Variants in ARFGEF3 observed in about 807,000 individuals in gnomAD.
ARFGEF3 encodes brefeldin A-inhibited guanine nucleotide-exchange protein 3.
In ARFGEF3, 96 loss-of-function variants were observed where a neutral mutation model predicts 221.7. That is an observed-to-expected ratio of 0.43 (90% CI 0.37 to 0.51). ARFGEF3 has a LOEUF of 0.51. ARFGEF3 is among the 20% of genes least tolerant of loss of function. The probability of loss-of-function intolerance (pLI) is 0.00; values close to 1 mark genes in which losing one functional copy is unlikely to be tolerated. For synonymous variants in ARFGEF3, 1,145 were observed against 1,126.8 expected (o/e 1.02, Z -0.32); for missense variants, 2,410 against 2,789.9 (o/e 0.86, Z 3.07).
intron 2 of ARFGEF3, among the ~76,000 whole-genome samples, chr6:138,172,037 A>G (rs928275472): frequency 6.6e-6 from 1 of 152,182 alleles, no homozygotes; most frequent in African/African-American, 2.4e-5. Context: ...AACAAAATTT[A>G]TGTTTCTATC....
intron 10 of ARFGEF3, 73 bp downstream of exon 10, chr6:138,255,842 C>T (rs1778668258): frequency 7.1e-6 from 9 of 1,271,806 alleles, no homozygotes; most frequent in Non-Finnish European, 9.5e-6. Flanking sequence ...AAGAAGCGCT[C>T]AGAAAAGGCT....
intron 24 of ARFGEF3, among the ~76,000 whole-genome samples, chr6:138,310,180 C>T (rs1779800401): frequency 6.6e-6 from 1 of 152,194 alleles, no homozygotes; most frequent in South Asian, 2.1e-4. Context: ...TTCACATAGA[C>T]TTGGATGCGT....
At chr6:138,280,955 C>T (rs1250464000) in intron 14 of ARFGEF3, among the ~76,000 whole-genome samples, 2 of 150,824 alleles carry the variant, frequency 1.3e-5, no homozygotes, top group African/African-American at 2.4e-5. Flanking sequence ...TACCAGCATC[C>T]TTGTCTTCAG....
At chr6:138,186,466 A>G (rs1335264351) in intron 2 of ARFGEF3, among the ~76,000 whole-genome samples, 1 of 152,226 alleles carries the variant, frequency 6.6e-6, no homozygotes, top group African/African-American at 2.4e-5. Context: ...GAAGTCAAAG[A>G]CAAAAGGCAG....
chr6:138,298,146 A>G (rs1338815328), intron 21 of ARFGEF3, among the ~76,000 whole-genome samples: 1 of 152,202 alleles, frequency 6.6e-6, no homozygotes, highest in African/African-American at 2.4e-5. Flanking sequence ...GGATTACTCA[A>G]GAGCATGGAT....
chr6:138,209,669 C>T (rs1777684693), intron 3 of ARFGEF3, among the ~76,000 whole-genome samples: 1 of 152,118 alleles, frequency 6.6e-6, no homozygotes, highest in Non-Finnish European at 1.5e-5. Context: ...AGGCTGATCT[C>T]CAACCCCTGA....
At chr6:138,238,415 A>G in intron 5 of ARFGEF3, 94 bp from the exon 6 acceptor site, 3 of 1,314,764 alleles carry the variant, frequency 2.3e-6, no homozygotes, top group Non-Finnish European at 3.1e-6. Context: ...TCTGTTTAAG[A>G]GGGATTTGAT....
chr6:138,320,502 T>G (rs562810186), intron 28 of ARFGEF3, among the ~76,000 whole-genome samples: 1 of 152,274 alleles, frequency 6.6e-6, no homozygotes, highest in African/African-American at 2.4e-5. Context: ...GATGTGGGTG[T>G]CCGGGAGCAG....
At chr6:138,282,237 G>A (rs1301970601) in intron 14 of ARFGEF3, among the ~76,000 whole-genome samples, 1 of 152,154 alleles carries the variant, frequency 6.6e-6, no homozygotes, top group African/African-American at 2.4e-5. Flanking sequence ...TTACAGGCGT[G>A]AGCCGCCGCA....
rs182344859 is a variant in ARFGEF3, at chr6:138,208,384, A to G, written c.219+1261A>G. ...TGAGTATACCACATGATTCTGAAAA[A>G]AAAAATCCTTTTGAAAGAATATAGG... On this transcript the variant is annotated intron_variant, in intron 3 of 33. Coordinates refer to ENST00000251691, the MANE Select transcript of ARFGEF3 (RefSeq NM_020340.5). Among the ~76,000 whole-genome samples, 826 of 152,256 alleles carry G rather than the reference A, an allele frequency of 5.4e-3. 3 individuals carry two copies. The highest frequency in any genetic ancestry group is 0.011 in the South Asian group (51 of 4,822).
chr6:138,187,355 G>T (rs1016046737), intron 2 of ARFGEF3, among the ~76,000 whole-genome samples: 1 of 152,188 alleles, frequency 6.6e-6, no homozygotes, highest in Non-Finnish European at 1.5e-5. Context: ...GAGGGAGTTG[G>T]ACCAGAGTCC....
chr6:138,318,501 T>C (rs970157395), intron 27 of ARFGEF3, among the ~76,000 whole-genome samples: 4 of 152,236 alleles, frequency 2.6e-5, no homozygotes, highest in African/African-American at 9.6e-5. Flanking sequence ...TTAAAATTAA[T>C]ATTTGTGAAT....
intron 2 of ARFGEF3, among the ~76,000 whole-genome samples, chr6:138,182,607 C>G (rs1480335559): frequency 6.6e-6 from 1 of 152,136 alleles, no homozygotes; most frequent in Non-Finnish European, 1.5e-5. Flanking sequence ...TTGACTTTAC[C>G]TCTCTCTAAG....
chr6:138,325,542 A>G (rs1780111758), intron 31 of ARFGEF3, among the ~76,000 whole-genome samples: 1 of 152,254 alleles, frequency 6.6e-6, no homozygotes, highest in Non-Finnish European at 1.5e-5. Context: ...TAAGGCCGCA[A>G]TGAAGAGCCA....
At chr6:138,318,219 G>T (rs904567648) in intron 27 of ARFGEF3, among the ~76,000 whole-genome samples, 2 of 152,022 alleles carry the variant, frequency 1.3e-5, no homozygotes, top group African/African-American at 4.8e-5. Flanking sequence ...AGAATAAGTA[G>T]GTATTTTATA....
rs1464529609 is a variant in ARFGEF3, at chr6:138,338,132, T to C, written c.*1646T>C. The stretch of plus-strand genomic sequence containing the variant: ...TTTTTCCCAGTTCCACAAAACACTC[T>C]GTTTGCCTTCAGTTTTTACTCACTA... On this transcript the variant is annotated 3_prime_UTR_variant, in exon 34 of 34. Coordinates refer to ENST00000251691, the MANE Select transcript of ARFGEF3 (RefSeq NM_020340.5). The C allele has an allele frequency of 1.3e-5, 2 of 152,250 alleles. No homozygotes were observed. The highest frequency in any genetic ancestry group is 4.8e-5 in the African/African-American group (2 of 41,460). The allele number at this position is 152,250 out of a possible 1,614,324, so 9.4% of individuals were successfully genotyped here. A position where few individuals can be genotyped will look rare whatever the true frequency, so the allele number is the denominator to read the frequency against.
In ARFGEF3 at chr6:138,342,474, G is replaced by A. The variant is rs955513161; in HGVS notation, c.*5988G>A. 49 of 152,104 alleles carry A rather than the reference G, an allele frequency of 3.2e-4. No homozygotes were observed. The highest frequency in any genetic ancestry group is 1.2e-3 in the African/African-American group (49 of 41,424). 9.4% of individuals were successfully genotyped at this position (152,104 alleles called of 1,614,324 possible). ...TCCAGTTTTATTATACCAACAATTG[G>A]TTTTTACAAGCTAGAAGACAATGAA... On this transcript the variant is annotated 3_prime_UTR_variant, in exon 34 of 34. Coordinates refer to ENST00000251691, the MANE Select transcript of ARFGEF3 (RefSeq NM_020340.5).
chr6:138,184,186 A>G (rs1777135940), intron 2 of ARFGEF3, among the ~76,000 whole-genome samples: 2 of 152,232 alleles, frequency 1.3e-5, no homozygotes, highest in South Asian at 2.1e-4. Context: ...TAAAAATAAT[A>G]GCAAACCCAT....
In ARFGEF3 at chr6:138,241,106, C is replaced by G. The variant is rs576050250; in HGVS notation, c.544-1846C>G. ...AAGGGTAAAAGGCCTCAAGTATATC[C>G]AAATGACTGCCCCCACAGATCACTC... On this transcript the variant is annotated intron_variant, in intron 6 of 33. Transcript: ENST00000251691. Among the ~76,000 whole-genome samples the G allele has an allele frequency of 5.3e-5, 8 of 152,278 alleles. No homozygotes were observed. In the East Asian group the frequency reaches 1.5e-3, roughly 29 times the overall value.
Sources: allele counts gnomAD v4.1 joint callset (sites outside exome capture counted in the v4.1 genomes callset), GRCh38; gene constraint gnomAD v4.1.1; transcripts MANE v1.5; gene names NCBI Gene and HGNC (gene_info 2026-07-23, HGNC 2026-07-21).